ZNF90: variants seen among roughly 807,000 people sequenced by gnomAD.
The protein encoded by ZNF90 is zinc finger protein 90.
In ZNF90, 11 loss-of-function variants were observed where a neutral mutation model predicts 12.0. That is an observed-to-expected ratio of 0.92 (90% CI 0.58 to 1.52). The LOEUF (loss-of-function observed/expected upper bound fraction) is 1.52, where lower values mean the gene tolerates loss of function less well. Among genes scored for constraint, ZNF90 ranks in the 40% most tolerant of loss-of-function variants. The probability of loss-of-function intolerance (pLI) is 0.00; values close to 1 mark genes in which losing one functional copy is unlikely to be tolerated. For missense variants in ZNF90, 765 were observed against 711.5 expected (o/e 1.08, Z -0.86); for synonymous variants, 232 against 240.1 (o/e 0.97, Z 0.31).
chr19:20,086,302 T>C (rs2088859504), intron 1 of ZNF90, among the ~76,000 whole-genome samples: 1 of 144,650 alleles, frequency 6.9e-6, no homozygotes, highest in Non-Finnish European at 1.5e-5. Context: ...TGGCGTAATT[T>C]CAGCTCACTG....
chr19:20,106,609 A>G (rs931428639), intron 3 of ZNF90, among the ~76,000 whole-genome samples: 8 of 152,044 alleles, frequency 5.3e-5, no homozygotes, highest in African/African-American at 1.9e-4. Flanking sequence ...ACCCGCCACC[A>G]CGCCCAGCTA....
rs1555706423 is a variant in ZNF90, at chr19:20,120,327, TGAA to T, written c.*973_*975del. 1.3e-5 allele frequency among the ~76,000 whole-genome samples: 2 copies of T among 152,168 alleles called. No individual in the cohort carries two copies. Among genetic ancestry groups the T allele is most frequent in the African/African-American group, 2.4e-5 (1 of 41,446 alleles). ...TTTCAGAAAATAGAAGCCTTTAAAG[TGAA>T]GAAGAGTATTCTGAAGACAACCATT... is the stretch of plus-strand genomic sequence containing the variant. On this transcript the variant is annotated 3_prime_UTR_variant, in exon 4 of 4. Transcript: ENST00000418063.
intron 2 of ZNF90, 32 bp downstream of exon 2, chr19:20,104,397 A>G: frequency 6.3e-7 from 1 of 1,594,220 alleles, no homozygotes; most frequent in African/African-American, 1.4e-5. Context: ...AATTCATAAT[A>G]TACCCTAAAG....
intron 3 of ZNF90, among the ~76,000 whole-genome samples, chr19:20,108,848 TC>T (rs2089062185): frequency 1.3e-5 from 2 of 150,508 alleles, no homozygotes; most frequent in African/African-American, 4.9e-5. Context: ...TGCATCAGCT[TC>T]CCGAGTAGCT....
intron 3 of ZNF90, among the ~76,000 whole-genome samples, chr19:20,115,107 CT>C (rs1366098042): frequency 1.3e-5 from 2 of 152,056 alleles, no homozygotes; most frequent in East Asian, 3.9e-4. Context: ...TAAGATGTAG[CT>C]TGTGTAATAC....
In ZNF90 at chr19:20,120,319, C is replaced by T. The variant is rs2089184687; in HGVS notation, c.*959C>T. Among the ~76,000 whole-genome samples, 1 of 152,072 alleles carries T rather than the reference C, an allele frequency of 6.6e-6. No individual in the cohort carries two copies. The highest frequency in any genetic ancestry group is 2.4e-5 in the African/African-American group (1 of 41,394). ...AAGAAATCTTTCAGAAAATAGAAGCCTTTAAAGTGAAGAAGAGTATTCTGA... is the reference window on the plus strand; with the variant it reads ...AAGAAATCTTTCAGAAAATAGAAGCTTTTAAAGTGAAGAAGAGTATTCTGA... On this transcript the variant is annotated 3_prime_UTR_variant, in exon 4 of 4. Transcript: ENST00000418063.
chr19:20,100,473 T>A, intron 1 of ZNF90, among the ~76,000 whole-genome samples: 1 of 152,212 alleles, frequency 6.6e-6, no homozygotes, highest in East Asian at 1.9e-4. Context: ...AAAAATGTTC[T>A]TCAACTGGAG....
intron 1 of ZNF90, among the ~76,000 whole-genome samples, chr19:20,103,763 C>A (rs2122505785): frequency 6.6e-6 from 1 of 151,938 alleles, no homozygotes; most frequent in South Asian, 2.1e-4. Context: ...AAAACATTGA[C>A]ATTATTCGTG....
chr19:20,090,312 T>C (rs1042184065), intron 1 of ZNF90, among the ~76,000 whole-genome samples: 3 of 151,972 alleles, frequency 2.0e-5, no homozygotes, highest in Non-Finnish European at 2.9e-5. Context: ...ACAGACCTAA[T>C]AGAATGAAGG....
rs1555705963 is a variant in ZNF90, at chr19:20,118,213, A to G, written c.659A>G (p.Lys220Arg). 1 of 1,609,296 alleles carries G rather than the reference A, an allele frequency of 6.2e-7. No homozygotes were observed. Residue 220 changes from lysine (K) to arginine (R), a missense_variant, in exon 4 of 4, where the codon AAG becomes AGG. Physicochemically the swap from Lys to Arg is conservative, Grantham distance 26. Transcript: ENST00000418063. ...FNRSSHLTSH[K>R]RIHTGEKRYK... ...AGGTCCTCACACCTTACTTCACATA[A>G]GAGAATTCATACTGGAGAGAAACGG...
At chr19:20,079,914 T>C in intron 1 of ZNF90, 1 of 421,656 alleles carries the variant, frequency 2.4e-6, no homozygotes, top group East Asian at 6.9e-5. Flanking sequence ...TTTGGCATTC[T>C]TTTTCCTTTC....
At chr19:20,100,836 A>G (rs1386825703) in intron 1 of ZNF90, among the ~76,000 whole-genome samples, 1 of 152,202 alleles carries the variant, frequency 6.6e-6, no homozygotes, top group East Asian at 1.9e-4. Flanking sequence ...AAGAGAGCTC[A>G]CGAAAATACC....
intron 1 of ZNF90, among the ~76,000 whole-genome samples, chr19:20,095,562 G>C (rs1349744290): frequency 6.7e-6 from 1 of 149,416 alleles, no homozygotes; most frequent in African/African-American, 2.6e-5. Context: ...AAAGCAGGAA[G>C]GGGGGTCAGG....
At chr19:20,088,689 G>A (rs1555702379) in intron 1 of ZNF90, among the ~76,000 whole-genome samples, 1 of 152,114 alleles carries the variant, frequency 6.6e-6, no homozygotes, top group Middle Eastern at 3.2e-3. Flanking sequence ...CGGCAGTTTT[G>A]GAGGACAACT....
chr19:20,106,044 C>CTTTTTTTTTTTTTTTTTTT (rs56933917), intron 3 of ZNF90, among the ~76,000 whole-genome samples: 1 of 71,040 alleles, frequency 1.4e-5, no homozygotes, highest in African/African-American at 5.3e-5. Flanking sequence ...CTAATTTTTT[C>CTTTTTTTTTTTTTTTTTTT]TTTTTTTTTT....
intron 3 of ZNF90, among the ~76,000 whole-genome samples, chr19:20,114,288 T>G (rs1233659242): frequency 6.6e-6 from 1 of 152,210 alleles, no homozygotes; most frequent in Non-Finnish European, 1.5e-5. Flanking sequence ...GAGAAGTATA[T>G]ATTTCTAAAT....
intron 1 of ZNF90, among the ~76,000 whole-genome samples, chr19:20,097,808 T>C (rs1555703412): frequency 6.6e-6 from 1 of 152,250 alleles, no homozygotes; most frequent in Non-Finnish European, 1.5e-5. Flanking sequence ...CTGTTCACAA[T>C]TGCCACAAGT....
At chr19:20,109,717 A>G (rs1311124987) in intron 3 of ZNF90, among the ~76,000 whole-genome samples, 2 of 152,044 alleles carry the variant, frequency 1.3e-5, no homozygotes, top group Admixed American at 6.6e-5. Flanking sequence ...TGTAAAAAAA[A>G]AAAAATTAAT....
At chr19:20,082,993 AAC>A (rs1483533536) in intron 1 of ZNF90, among the ~76,000 whole-genome samples, 4 of 152,166 alleles carry the variant, frequency 2.6e-5, no homozygotes, top group Non-Finnish European at 5.9e-5. Flanking sequence ...TGCACATCAA[AAC>A]ACAGCACATT....
Sources: allele counts gnomAD v4.1 joint callset (sites outside exome capture counted in the v4.1 genomes callset), GRCh38; gene constraint gnomAD v4.1.1; transcripts MANE v1.5; gene names NCBI Gene and HGNC (gene_info 2026-07-23, HGNC 2026-07-21).